SPRY4: variants seen among roughly 807,000 people sequenced by gnomAD.
SPRY4 encodes the protein sprouty RTK signaling antagonist 4.
In SPRY4, 7 loss-of-function variants were observed where a neutral mutation model predicts 17.0. That is an observed-to-expected ratio of 0.41 (90% CI 0.23 to 0.77). SPRY4 has a LOEUF of 0.77. Ranked by LOEUF, SPRY4 falls within the 30% of genes least tolerant of loss-of-function variation. The probability of loss-of-function intolerance (pLI) is 0.32; values close to 1 mark genes in which losing one functional copy is unlikely to be tolerated. For missense variants in SPRY4, 435 were observed against 419.9 expected, an observed-to-expected ratio of 1.04 and a Z score of -0.31; for synonymous variants, 183 against 174.1, an observed-to-expected ratio of 1.05 and a Z score of -0.40.
At chr5:142,318,256 A>G in intron 1 of SPRY4, 2 of 867,822 alleles carry the variant, frequency 2.3e-6, no homozygotes, top group Non-Finnish European at 2.8e-6. Flanking sequence ...AGGCCAAGGT[A>G]GGCAGATCAC....
chr5:142,312,830 G>A lies in SPRY4; in HGVS notation c.*1379C>T, dbSNP rs566912745. ...TTGCTACGTCTTTGAGGGCTGTCGGGAGAGGGTGGTGTGGCTGTGCACAGA... is the reference window on the plus strand; with the variant it reads ...TTGCTACGTCTTTGAGGGCTGTCGGAAGAGGGTGGTGTGGCTGTGCACAGA... On this transcript the variant is annotated 3_prime_UTR_variant, in exon 2 of 2. Transcript: ENST00000434127. The A allele has an allele frequency of 2.0e-5, 3 of 152,686 alleles. No individual in the cohort carries two copies. Among genetic ancestry groups the A allele is most frequent in the Non-Finnish European group, 2.9e-5 (2 of 68,128 alleles). The allele number at this position is 152,686 out of a possible 1,614,324, so 9.5% of individuals were successfully genotyped here. A position where few individuals can be genotyped will look rare whatever the true frequency, so the allele number is the denominator to read the frequency against.
Position 142,313,947 on chromosome 5 carries a change from A to G in SPRY4, c.*262T>C. ...TCTGAAAAAGAAAAATTTCCCCCCA[A>G]ACCACACCCTGCCCCTGCATTGTCT... On this transcript the variant is annotated 3_prime_UTR_variant, in exon 2 of 2. Transcript: ENST00000434127. The G allele has an allele frequency of 2.1e-6, 1 of 487,386 alleles. No homozygotes were observed. The highest frequency in any genetic ancestry group is 3.7e-6 in the Non-Finnish European group (1 of 273,660). 30.2% of individuals were successfully genotyped at this position (487,386 alleles called of 1,614,324 possible).
chr5:142,318,194 A>T (rs2126994991), intron 1 of SPRY4: 1 of 985,070 alleles, frequency 1.0e-6, no homozygotes, highest in Non-Finnish European at 1.2e-6. Flanking sequence ...AAAAAAAGAA[A>T]AGAAAGAAGG....
intron 1 of SPRY4, chr5:142,324,428 C>T (rs892759716): frequency 1.3e-5 from 2 of 152,232 alleles, no homozygotes; most frequent in African/African-American, 4.8e-5. Context: ...GGGCGAGCCG[C>T]CCAGAGCGAG....
rs2126979504 is a variant in SPRY4 at position 142,311,284 on chromosome 5, C to G, written c.*2925G>C. 1.3e-5 allele frequency: 2 copies of G among 152,340 alleles called. No individual in the cohort carries two copies. The highest frequency in any genetic ancestry group is 3.9e-4 in the East Asian group (2 of 5,174). 9.4% of individuals were successfully genotyped at this position (152,340 alleles called of 1,614,324 possible). ...CGCTGTCCTTCATTAACACGGGCAG[C>G]CAGAGCCCCCTAGAAGCGTCCTGGA... On this transcript the variant is annotated 3_prime_UTR_variant, in exon 2 of 2. Coordinates refer to ENST00000434127, the MANE Select transcript of SPRY4 (RefSeq NM_001127496.3).
At position 142,314,301 on chromosome 5, in the gene SPRY4, G is replaced by A. The variant is rs1396279357; in HGVS notation, c.808C>T (p.Arg270Cys). 8.1e-6 allele frequency: 13 copies of A among 1,613,768 alleles called. No homozygotes were observed. Among genetic ancestry groups the A allele is most frequent in the South Asian group, 2.2e-5 (2 of 91,072 alleles). Residue 270 changes from arginine (R) to cysteine (C), a missense_variant, in exon 2 of 2, where the codon CGC (arginine) becomes TGC (cysteine). Physicochemically the swap from Arg to Cys is radical, Grantham distance 180 (BLOSUM62 -3). Coordinates refer to ENST00000434127, the MANE Select transcript of SPRY4 (RefSeq NM_001127496.3). This position sits in a 1 kb window ranked among gnomAD's most constrained non-coding sequence, Gnocchi z 4.8. ...GTGTGCTTGCAGCGGCAACCAGGGC[G>A]GCGCAGACGGTCGTAGCCACGCTGG... is the stretch of plus-strand genomic sequence containing the variant. ...LAQRGYDRLR[R>C]PGCRCKHTNS...
At chr5:142,320,890 A>C (rs964256732) in intron 1 of SPRY4, among the ~76,000 whole-genome samples, 5 of 152,170 alleles carry the variant, frequency 3.3e-5, no homozygotes, top group African/African-American at 4.8e-5. Context: ...ACTACTGACA[A>C]GGGAAACCAC....
At chr5:142,316,958 C>T (rs908036507) in intron 1 of SPRY4, 1 of 981,798 alleles carries the variant, frequency 1.0e-6, no homozygotes, top group Non-Finnish European at 1.2e-6. Flanking sequence ...TTTTTCCTGT[C>T]TTGGAGAAAG....
At chr5:142,322,711 T>A (rs370872183) in intron 1 of SPRY4, among the ~76,000 whole-genome samples, 13 of 152,240 alleles carry the variant, frequency 8.5e-5, no homozygotes, top group East Asian at 7.7e-4. Context: ...TGACTCCTGA[T>A]AACCAACAGA....
chr5:142,322,796 C>T (rs1759390315), intron 1 of SPRY4, among the ~76,000 whole-genome samples: 1 of 152,168 alleles, frequency 6.6e-6, no homozygotes, highest in Non-Finnish European at 1.5e-5. Flanking sequence ...ACTAAAATCC[C>T]CACCCTACAC....
In SPRY4 at chr5:142,315,084, C is replaced by G. The variant is rs77566564; in HGVS notation, c.25G>C (p.Ala9Pro). 6.2e-7 allele frequency: 1 copy of G among 1,611,692 alleles called. No individual in the cohort carries two copies. The change falls in exon 2 of 2, where the codon GCC becomes CCC. Residue 9 changes from alanine to proline, a missense_variant. Transcript: ENST00000434127. The stretch of plus-strand genomic sequence containing the variant: ...ATGACTGAGTTGGGAGTCAAGGGGG[C>G]GCTCTGTGGGATCGGGGGCTCCATG... MEPPIPQS[A>P]PLTPNSVMVQ...
chr5:142,323,301 C>G (rs931620566), intron 1 of SPRY4, among the ~76,000 whole-genome samples: 11 of 152,316 alleles, frequency 7.2e-5, no homozygotes, highest in African/African-American at 2.6e-4. Context: ...TGCTTGCTCC[C>G]GCCCCTCTGC....
chr5:142,321,805 C>T lies in SPRY4; in HGVS notation c.-48+3039G>A, dbSNP rs551156280. On this transcript the variant is annotated intron_variant, in intron 1 of 1. Transcript: ENST00000434127. ...GGCCTCCTTTGCACCAACACCCAGG[C>T]CCTCATCAACAGGATAGCCCAAGGA... Among the ~76,000 whole-genome samples the T allele has an allele frequency of 2.2e-4, 34 of 152,290 alleles. No individual in the cohort carries two copies. In the South Asian group the frequency reaches 5.2e-3, roughly 23 times the overall value.
chr5:142,316,927 G>C, intron 1 of SPRY4: 1 of 913,112 alleles, frequency 1.1e-6, no homozygotes, highest in Non-Finnish European at 1.3e-6. Flanking sequence ...AAAGGATGCT[G>C]GTATTTCTTT....
At chr5:142,318,674 G>C (rs1490127450) in intron 1 of SPRY4, among the ~76,000 whole-genome samples, 1 of 152,060 alleles carries the variant, frequency 6.6e-6, no homozygotes, top group Non-Finnish European at 1.5e-5. Context: ...ATAAGAGAGA[G>C]GAGGTTTTGC....
chr5:142,321,519 C>G (rs1326539296), intron 1 of SPRY4, among the ~76,000 whole-genome samples: 4 of 152,142 alleles, frequency 2.6e-5, no homozygotes. Flanking sequence ...AAGGTCGGCC[C>G]TGAGATAGAA....
Position 142,314,358 on chromosome 5 carries a change from A to G in SPRY4, c.751T>C (p.Tyr251His). The change falls in exon 2 of 2, where the codon TAC (tyrosine) becomes CAC (histidine). Residue 251 changes from tyrosine to histidine, a missense_variant. Physicochemically the swap from Tyr to His is moderately conservative, Grantham distance 83. Coordinates refer to ENST00000434127, the MANE Select transcript of SPRY4 (RefSeq NM_001127496.3). This position sits in a 1 kb window ranked among gnomAD's most constrained non-coding sequence, Gnocchi z 4.8. ...LSVVLPCLLC[Y>H]LPATGCVKLA... ...TTCACGCAGCCGGTGGCAGGCAGGT[A>G]GCAGAGCAGGCAGGGCAGCACCACG... The G allele has an allele frequency of 6.2e-7, 1 of 1,614,068 alleles. No homozygotes were observed. The highest frequency in any genetic ancestry group is 8.5e-7 in the Non-Finnish European group (1 of 1,179,986).
chr5:142,317,786 C>G, intron 1 of SPRY4: 1 of 985,260 alleles, frequency 1.0e-6, no homozygotes, highest in Non-Finnish European at 1.2e-6. Flanking sequence ...TGGGAGCAGC[C>G]GCTGCAGGCA....
chr5:142,319,924 T>G, intron 1 of SPRY4: 1 of 849,994 alleles, frequency 1.2e-6, no homozygotes, highest in Non-Finnish European at 1.7e-6. Context: ...ACCTGACAGT[T>G]GTACTTTGAA....
Sources: gnomAD v4.1 joint callset for allele counts (sites outside exome capture counted in the v4.1 genomes callset) on GRCh38, gnomAD v4.1.1 for gene constraint, Gnocchi (gnomAD v3.1) non-coding constraint, MANE v1.5 for transcripts, NCBI Gene and HGNC (gene_info 2026-07-23, HGNC 2026-07-21) for gene names.